Variants in CLIC4 observed in about 807,000 individuals in gnomAD.
CLIC4 encodes chloride intracellular channel protein 4.
CLIC4 carries 13 observed loss-of-function variants against 24.6 expected under a neutral mutation model. The observed-to-expected ratio is 0.53, with a 90% CI of 0.34 to 0.84. CLIC4 has a LOEUF of 0.84. Ranked by LOEUF, CLIC4 falls within the 40% of genes least tolerant of loss-of-function variation. The probability of loss-of-function intolerance (pLI) is 0.01; values close to 1 mark genes in which losing one functional copy is unlikely to be tolerated. For synonymous variants in CLIC4, 104 were observed against 111.3 expected (o/e 0.93, Z 0.41); for missense variants, 227 against 301.7 (o/e 0.75, Z 1.83).
At chr1:24,789,083 G>C (rs1276125983) in intron 1 of CLIC4, among the ~76,000 whole-genome samples, 1 of 152,130 alleles carries the variant, frequency 6.6e-6, no homozygotes, top group Non-Finnish European at 1.5e-5. Flanking sequence ...AAACAATAAG[G>C]CCTCAGTATT....
intron 2 of CLIC4, among the ~76,000 whole-genome samples, chr1:24,798,807 C>T (rs948419069): frequency 1.3e-5 from 2 of 152,158 alleles, no homozygotes; most frequent in Admixed American, 6.5e-5. Context: ...AGGCACGCGC[C>T]GCCACGCCTG....
intron 1 of CLIC4, among the ~76,000 whole-genome samples, chr1:24,792,468 G>A (rs1029297174): frequency 5.3e-5 from 8 of 152,002 alleles, no homozygotes; most frequent in Admixed American, 1.3e-4. Flanking sequence ...TTGGGATTAC[G>A]GGCATGAACT....
chr1:24,815,753 A>G (rs1639661747), intron 3 of CLIC4, among the ~76,000 whole-genome samples: 1 of 152,214 alleles, frequency 6.6e-6, no homozygotes, highest in Non-Finnish European at 1.5e-5. Context: ...TAAAAATTTT[A>G]AAGTAAATAT....
At chr1:24,809,513 C>T (rs1183006702) in intron 2 of CLIC4, among the ~76,000 whole-genome samples, 1 of 152,132 alleles carries the variant, frequency 6.6e-6, no homozygotes, top group Non-Finnish European at 1.5e-5. Context: ...CTCTGTCGCC[C>T]AGGCTGAAGT....
At chr1:24,808,092 G>A (rs997528081) in intron 2 of CLIC4, among the ~76,000 whole-genome samples, 14 of 152,074 alleles carry the variant, frequency 9.2e-5, no homozygotes, top group Admixed American at 5.9e-4. Context: ...GATTACAGGC[G>A]TGCGCCACTA....
intron 1 of CLIC4, among the ~76,000 whole-genome samples, chr1:24,762,643 T>G (rs1423656054): frequency 6.6e-6 from 1 of 151,880 alleles, no homozygotes; most frequent in African/African-American, 2.4e-5. Context: ...AAGGAGGGAG[T>G]GACCAGTTGT....
At chr1:24,829,603 C>T (rs1639820201) in intron 4 of CLIC4, among the ~76,000 whole-genome samples, 1 of 152,038 alleles carries the variant, frequency 6.6e-6, no homozygotes, top group Non-Finnish European at 1.5e-5. Context: ...TGTGACTAGT[C>T]ATTGATATTT....
intron 5 of CLIC4, 91 bp downstream of exon 5, chr1:24,840,132 T>A: frequency 8.2e-7 from 1 of 1,222,168 alleles, no homozygotes; most frequent in Non-Finnish European, 1.2e-6. Flanking sequence ...CATTTCTGAT[T>A]TTATATGACT....
intron 2 of CLIC4, among the ~76,000 whole-genome samples, chr1:24,812,487 A>G (rs1474783877): frequency 6.6e-6 from 1 of 152,170 alleles, no homozygotes; most frequent in Admixed American, 6.5e-5. Context: ...TCTTTACACA[A>G]TTAGTTGGGG....
intron 1 of CLIC4, among the ~76,000 whole-genome samples, chr1:24,784,781 G>A (rs1219789752): frequency 2.6e-5 from 4 of 151,958 alleles, no homozygotes; most frequent in Non-Finnish European, 2.9e-5. Flanking sequence ...CGAGGCAGGC[G>A]GATCACGAGG....
chr1:24,759,209 T>A (rs1413986383), intron 1 of CLIC4, among the ~76,000 whole-genome samples: 1 of 152,232 alleles, frequency 6.6e-6, no homozygotes, highest in Non-Finnish European at 1.5e-5. Context: ...AGGTAAGATA[T>A]GTCCATTTTA....
intron 1 of CLIC4, among the ~76,000 whole-genome samples, chr1:24,757,289 G>A (rs190539357): frequency 6.6e-5 from 10 of 152,204 alleles, no homozygotes; most frequent in East Asian, 1.9e-4. Flanking sequence ...CCTTGACCTC[G>A]CAAAGTGTTG....
At chr1:24,824,194 A>G (rs1395941889) in intron 3 of CLIC4, among the ~76,000 whole-genome samples, 1 of 152,270 alleles carries the variant, frequency 6.6e-6, no homozygotes, top group African/African-American at 2.4e-5. Context: ...TTTAGAGATA[A>G]TCTAATCTGT....
intron 1 of CLIC4, among the ~76,000 whole-genome samples, chr1:24,768,577 A>G (rs1354458099): frequency 1.3e-5 from 2 of 151,940 alleles, no homozygotes; most frequent in Non-Finnish European, 2.9e-5. Flanking sequence ...TTGTTTTTAG[A>G]CTTTTTCATC....
rs1273710854 is a variant in CLIC4, at chr1:24,827,170, A to G, written c.415+54A>G. On this transcript the variant is annotated intron_variant, in intron 4 of 5. Transcript: ENST00000374379. Reference sequence around the variant, plus strand: ...GCAACAAAAAACCCCAAACAACAACAGGCTGTTATTATGACAGTGATTATA... The same window carrying G: ...GCAACAAAAAACCCCAAACAACAACGGGCTGTTATTATGACAGTGATTATA... 6 of 1,073,830 alleles carry G rather than the reference A, an allele frequency of 5.6e-6. No individual in the cohort carries two copies. The Admixed American group carries it at 1.2e-4, about 22-fold the overall frequency. 66.5% of individuals were successfully genotyped at this position (1,073,830 alleles called of 1,614,324 possible).
chr1:24,766,472 G>A (rs1394731457), intron 1 of CLIC4, among the ~76,000 whole-genome samples: 5 of 91,638 alleles, frequency 5.5e-5, no homozygotes, highest in African/African-American at 1.7e-4. Context: ...TTGCCCAGAC[G>A]GTTTTTTTTT....
At chr1:24,781,266 C>T (rs1203524238) in intron 1 of CLIC4, among the ~76,000 whole-genome samples, 1 of 149,792 alleles carries the variant, frequency 6.7e-6, no homozygotes, top group Non-Finnish European at 1.5e-5. Flanking sequence ...TCCCGAGTTG[C>T]TGGGACTACA....
chr1:24,778,881 T>A (rs1639172524), intron 1 of CLIC4, among the ~76,000 whole-genome samples: 1 of 152,232 alleles, frequency 6.6e-6, no homozygotes. Context: ...TTAAAGCCTT[T>A]CTTTACATCT....
intron 2 of CLIC4, among the ~76,000 whole-genome samples, chr1:24,799,541 C>G (rs1190373839): frequency 1.3e-5 from 2 of 151,174 alleles, no homozygotes; most frequent in Non-Finnish European, 3.0e-5. Flanking sequence ...GGCAGCCCCC[C>G]CATCTGGGAA....
Sources: allele counts gnomAD v4.1 joint callset (sites outside exome capture counted in the v4.1 genomes callset), GRCh38; gene constraint gnomAD v4.1.1; transcripts MANE v1.5; gene names NCBI Gene and HGNC (gene_info 2026-07-23, HGNC 2026-07-21).